The following IGFBP7 variants were observed in gnomAD, a reference collection of about 807,000 sequenced individuals.
IGFBP7 encodes the protein insulin like growth factor binding protein 7, also known as insulin-like growth factor-binding protein 7.
A neutral mutation model predicts 29.4 loss-of-function variants in IGFBP7; 31 were observed. That is an observed-to-expected ratio of 1.05 (90% CI 0.79 to 1.42). The LOEUF (loss-of-function observed/expected upper bound fraction) is 1.42. IGFBP7 is among the 40% of genes most tolerant of loss of function. IGFBP7 has a pLI of 0.00. For synonymous variants in IGFBP7, 172 were observed against 174.9 expected, an observed-to-expected ratio of 0.98 and a Z score of 0.13; for missense variants, 393 against 395.5, an observed-to-expected ratio of 0.99 and a Z score of 0.05.
At chr4:57,096,285 T>C (rs969695585) in intron 1 of IGFBP7, among the ~76,000 whole-genome samples, 1 of 147,084 alleles carries the variant, frequency 6.8e-6, no homozygotes, top group Non-Finnish European at 1.5e-5. Flanking sequence ...GCACACTAGA[T>C]CTTCTCAAAG....
chr4:57,031,894 A>G (rs890345133), intron 4 of IGFBP7: 1 of 166,438 alleles, frequency 6.0e-6, no homozygotes, highest in Non-Finnish European at 1.3e-5. Context: ...CAATTCAGAC[A>G]TCAGTTTCAT....
At chr4:57,062,285 C>T (rs10028733) in intron 1 of IGFBP7, among the ~76,000 whole-genome samples, 12,035 of 152,058 alleles carry the variant, frequency 0.079, 611 homozygotes, top group African/African-American at 0.14. Context: ...AACTAGATTA[C>T]AGAGGTTTTC....
intron 1 of IGFBP7, among the ~76,000 whole-genome samples, chr4:57,107,731 C>T (rs1360959517): frequency 6.6e-6 from 1 of 152,144 alleles, no homozygotes; most frequent in Non-Finnish European, 1.5e-5. Flanking sequence ...TCTAACATTT[C>T]CCCAAATATA....
rs140051202 is a variant in IGFBP7 at position 57,105,833 on chromosome 4, G to A, written c.475+4044C>T. 3.5e-3 allele frequency among the ~76,000 whole-genome samples: 527 copies of A among 152,270 alleles called. 3 individuals carry two copies. The highest frequency in any genetic ancestry group is 0.012 in the African/African-American group (506 of 41,558). On this transcript the variant is annotated intron_variant, in intron 1 of 4. Transcript: ENST00000295666. Reference sequence around the variant, plus strand: ...GAACAAATACATCATTTTGGGGTGGGGGAAAGTCAGAATGCTTCTCAGAGA... The same window carrying A: ...GAACAAATACATCATTTTGGGGTGGAGGAAAGTCAGAATGCTTCTCAGAGA...
chr4:57,103,835 T>G (rs1042694709), intron 1 of IGFBP7, among the ~76,000 whole-genome samples: 1 of 151,544 alleles, frequency 6.6e-6, no homozygotes, highest in Non-Finnish European at 1.5e-5. Context: ...ATTTTTTTAT[T>G]TTTTTTATAG....
chr4:57,037,860 T>TC (rs527416418), intron 2 of IGFBP7, among the ~76,000 whole-genome samples: 1 of 152,088 alleles, frequency 6.6e-6, no homozygotes, highest in Non-Finnish European at 1.5e-5. Context: ...TTTCTCCACC[T>TC]CCCCACACCC....
At chr4:57,067,312 A>G (rs1412873734) in intron 1 of IGFBP7, among the ~76,000 whole-genome samples, 1 of 151,990 alleles carries the variant, frequency 6.6e-6, no homozygotes, top group African/African-American at 2.4e-5. Context: ...TAAACAGTGC[A>G]TGGAAGACAC....
intron 1 of IGFBP7, among the ~76,000 whole-genome samples, chr4:57,041,651 C>G (rs931891013): frequency 9.9e-5 from 15 of 152,100 alleles, no homozygotes; most frequent in Admixed American, 6.5e-4. Context: ...TCCTCCCACC[C>G]CAGCCTCCCG....
chr4:57,080,404 C>T (rs535482989), intron 1 of IGFBP7, among the ~76,000 whole-genome samples: 10 of 152,280 alleles, frequency 6.6e-5, no homozygotes, highest in Admixed American at 1.3e-4. Flanking sequence ...GCTGAAACAA[C>T]GGAAGCTGAT....
chr4:57,067,816 C>T (rs1724957157), intron 1 of IGFBP7, among the ~76,000 whole-genome samples: 1 of 151,440 alleles, frequency 6.6e-6, no homozygotes, highest in Admixed American at 6.6e-5. Context: ...TGTATGGTCT[C>T]AAAAATTCCT....
chr4:57,089,989 G>T (rs1478615009), intron 1 of IGFBP7, among the ~76,000 whole-genome samples: 1 of 152,142 alleles, frequency 6.6e-6, no homozygotes, highest in East Asian at 1.9e-4. Flanking sequence ...AAAGGACCCT[G>T]GTCCTTGACA....
At chr4:57,052,718 G>A (rs1056137285) in intron 1 of IGFBP7, among the ~76,000 whole-genome samples, 2 of 152,144 alleles carry the variant, frequency 1.3e-5, no homozygotes, top group Non-Finnish European at 2.9e-5. Context: ...CCTGGTGACC[G>A]CGTGCCCAGG....
intron 1 of IGFBP7, among the ~76,000 whole-genome samples, chr4:57,108,583 C>G (rs1181746149): frequency 6.6e-6 from 1 of 151,346 alleles, no homozygotes; most frequent in East Asian, 1.9e-4. Flanking sequence ...TGTCTGTCAC[C>G]CAGGCTGGAG....
chr4:57,031,572 A>G (rs1232094499), intron 4 of IGFBP7, among the ~76,000 whole-genome samples: 1 of 152,122 alleles, frequency 6.6e-6, no homozygotes, highest in African/African-American at 2.4e-5. Context: ...GGTACATCTT[A>G]TTATAGAACT....
intron 1 of IGFBP7, among the ~76,000 whole-genome samples, chr4:57,061,688 G>A (rs1724804486): frequency 6.6e-6 from 1 of 152,128 alleles, no homozygotes; most frequent in Admixed American, 6.5e-5. Context: ...TTTGTTTTTG[G>A]AATTTCCCAT....
chr4:57,048,556 C>T (rs995231420), intron 1 of IGFBP7, among the ~76,000 whole-genome samples: 3 of 152,164 alleles, frequency 2.0e-5, no homozygotes, highest in Non-Finnish European at 2.9e-5. Context: ...TCACAAAACA[C>T]ACAAATATCA....
At chr4:57,071,819 C>T (rs544118373) in intron 1 of IGFBP7, among the ~76,000 whole-genome samples, 1 of 152,068 alleles carries the variant, frequency 6.6e-6, no homozygotes, top group African/African-American at 2.4e-5. Flanking sequence ...GGAACCTTGG[C>T]TGGGGTAAGG....
At chr4:57,031,400 G>T (rs2109732153) in intron 4 of IGFBP7, 64 bp from the exon 5 acceptor site, 1 of 1,215,650 alleles carries the variant, frequency 8.2e-7, no homozygotes, top group South Asian at 1.2e-5. Context: ...CTTTTGAATT[G>T]GCAGGTAGTT....
chr4:57,048,028 C>T (rs1724404315), intron 1 of IGFBP7, among the ~76,000 whole-genome samples: 1 of 151,988 alleles, frequency 6.6e-6, no homozygotes, highest in African/African-American at 2.4e-5. Flanking sequence ...GTCACCATGC[C>T]TGGCTTCTCC....
Sources: allele counts gnomAD v4.1 joint callset (sites outside exome capture counted in the v4.1 genomes callset), GRCh38; gene constraint gnomAD v4.1.1; transcripts MANE v1.5; gene names NCBI Gene and HGNC (gene_info 2026-07-23, HGNC 2026-07-21).